Variants in ANKS1B observed in about 807,000 individuals in gnomAD.
ANKS1B encodes ankyrin repeat and sterile alpha motif domain containing 1B.
A neutral mutation model predicts 148.3 loss-of-function variants in ANKS1B; 36 were observed. The observed-to-expected ratio is 0.24, with a 90% CI of 0.19 to 0.32. The LOEUF (loss-of-function observed/expected upper bound fraction) is 0.32. ANKS1B is among the 10% of genes least tolerant of loss of function. The pLI, the probability that ANKS1B is intolerant of heterozygous loss-of-function variation, is 1.00. For missense variants in ANKS1B, 1,157 were observed against 1,542.6 expected (o/e 0.75, Z 4.19); for synonymous variants, 542 against 560.8 (o/e 0.97, Z 0.47).
At chr12:99,146,164 T>C (rs2073002140) in intron 15 of ANKS1B, among the ~76,000 whole-genome samples, 1 of 152,154 alleles carries the variant, frequency 6.6e-6, no homozygotes, top group African/African-American at 2.4e-5. Context: ...AGCTACTATA[T>C]GCCAAGCCCT....
At chr12:99,136,051 C>T (rs2067940648) in intron 15 of ANKS1B, among the ~76,000 whole-genome samples, 1 of 151,936 alleles carries the variant, frequency 6.6e-6, no homozygotes. Context: ...ATAGGAAATG[C>T]AAGATGAAGG....
At chr12:98,804,067 C>T (rs1224381689) in intron 20 of ANKS1B, among the ~76,000 whole-genome samples, 4 of 152,232 alleles carry the variant, frequency 2.6e-5, no homozygotes, top group African/African-American at 9.6e-5. Flanking sequence ...CATCTGCTCT[C>T]CCATGACTCC....
intron 10 of ANKS1B, among the ~76,000 whole-genome samples, chr12:99,446,294 TTGAA>T (rs1321246275): frequency 6.6e-6 from 1 of 152,026 alleles, no homozygotes; most frequent in Non-Finnish European, 1.5e-5. Flanking sequence ...GGAGATAAGT[TTGAA>T]TGAGTGAAAG....
At chr12:99,215,161 C>A (rs780497131) in intron 14 of ANKS1B, among the ~76,000 whole-genome samples, 3 of 152,314 alleles carry the variant, frequency 2.0e-5, no homozygotes, top group African/African-American at 4.8e-5. Context: ...AATCCCCAAG[C>A]CTTTGTGGCT....
intron 17 of ANKS1B, among the ~76,000 whole-genome samples, chr12:98,887,480 T>G (rs1208228476): frequency 6.6e-6 from 1 of 152,204 alleles, no homozygotes; most frequent in Non-Finnish European, 1.5e-5. Context: ...TGATCAAACC[T>G]CTTAACATTT....
At chr12:98,821,539 C>A (rs1170940336) in intron 19 of ANKS1B, among the ~76,000 whole-genome samples, 1 of 152,180 alleles carries the variant, frequency 6.6e-6, no homozygotes, top group African/African-American at 2.4e-5. Flanking sequence ...TATACACACC[C>A]CTTTGCAATT....
At chr12:98,895,224 G>C (rs191311739) in intron 17 of ANKS1B, 1 of 985,580 alleles carries the variant, frequency 1.0e-6, no homozygotes. Context: ...TTGCCGGCGC[G>C]CGGGGGCCTC....
chr12:99,134,437 C>G (rs75453001), intron 15 of ANKS1B, among the ~76,000 whole-genome samples: 2,820 of 151,864 alleles, frequency 0.019, 38 homozygotes, highest in Non-Finnish European at 0.03. Context: ...CCCAAGTTGC[C>G]CATCAGAACC....
chr12:98,766,208 G>A (rs2153455721), intron 25 of ANKS1B, among the ~76,000 whole-genome samples: 1 of 152,352 alleles, frequency 6.6e-6, no homozygotes, highest in Middle Eastern at 3.4e-3. Flanking sequence ...AGTTCTCAGT[G>A]ATTTATGCCA....
At chr12:98,750,800 G>A (rs1444739463) in intron 26 of ANKS1B, among the ~76,000 whole-genome samples, 1 of 152,240 alleles carries the variant, frequency 6.6e-6, no homozygotes, top group Non-Finnish European at 1.5e-5. Context: ...TGCTGAGAAG[G>A]AGGGGCTGCA....
At chr12:99,069,905 C>T (rs556448655) in intron 16 of ANKS1B, among the ~76,000 whole-genome samples, 1 of 152,306 alleles carries the variant, frequency 6.6e-6, no homozygotes, top group East Asian at 1.9e-4. Flanking sequence ...GGCATAGACT[C>T]TGGAGCCAGC....
intron 8 of ANKS1B, among the ~76,000 whole-genome samples, chr12:99,703,838 C>T (rs905690511): frequency 1.3e-5 from 2 of 152,084 alleles, no homozygotes; most frequent in African/African-American, 2.4e-5. Flanking sequence ...TCCCCATAAA[C>T]GTTTGATAAA....
intron 14 of ANKS1B, among the ~76,000 whole-genome samples, chr12:99,226,747 G>A (rs949095270): frequency 2.6e-5 from 4 of 152,116 alleles, no homozygotes; most frequent in Admixed American, 1.3e-4. Context: ...TGAACCAAAG[G>A]AAGACTAAGA....
At chr12:99,619,089 C>T (rs1369830836) in intron 9 of ANKS1B, among the ~76,000 whole-genome samples, 1 of 152,022 alleles carries the variant, frequency 6.6e-6, no homozygotes, top group Non-Finnish European at 1.5e-5. Context: ...CAGCCTGCTC[C>T]CCTGAGTTCA....
chr12:99,092,854 A>G (rs1418028441), intron 15 of ANKS1B, among the ~76,000 whole-genome samples: 1 of 152,194 alleles, frequency 6.6e-6, no homozygotes, highest in Non-Finnish European at 1.5e-5. Context: ...CACCCACCTT[A>G]TTTATAAACC....
chr12:99,529,642 ACT>A lies in ANKS1B; in HGVS notation c.1273-25003_1273-25002del, dbSNP rs373597292. Among the ~76,000 whole-genome samples the A allele has an allele frequency of 6.5e-3, 960 of 148,160 alleles. 8 individuals are homozygous for A. The highest frequency in any genetic ancestry group is 0.023 in the African/African-American group (878 of 37,688). ...CACACCAGCCTGGTGACACAGCAAG[ACT>A]CTGTTTCCAGGAAAAAAATAAAAGA... On this transcript the variant is annotated intron_variant, in intron 9 of 26. Coordinates refer to ENST00000683438, the MANE Select transcript of ANKS1B (RefSeq NM_001352186.2).
intron 19 of ANKS1B, among the ~76,000 whole-genome samples, chr12:98,813,423 C>T (rs990390003): frequency 1.3e-5 from 2 of 151,298 alleles, no homozygotes; most frequent in South Asian, 4.2e-4. Context: ...TGCTATGTTG[C>T]CCAGGCTGGT....
At chr12:99,560,840 CTTTTTTTTTTTTTTT>C (rs58588885) in intron 9 of ANKS1B, among the ~76,000 whole-genome samples, 70 of 71,926 alleles carry the variant, frequency 9.7e-4, no homozygotes, top group Middle Eastern at 0.026. Context: ...TTTCTTTTTT[CTTTTTTTTTTTTTTT>C]TTTTTTTTTG....
intron 10 of ANKS1B, among the ~76,000 whole-genome samples, chr12:99,486,397 T>C (rs145177723): frequency 1.3e-5 from 2 of 152,278 alleles, no homozygotes; most frequent in Non-Finnish European, 2.9e-5. Context: ...CACTGTTTAC[T>C]ATGGGGTTGG....
Sources: gnomAD v4.1 joint callset for allele counts (sites outside exome capture counted in the v4.1 genomes callset) on GRCh38, gnomAD v4.1.1 for gene constraint, MANE v1.5 for transcripts, NCBI Gene and HGNC (gene_info 2026-07-23, HGNC 2026-07-21) for gene names.